CCDC88C: variants seen among roughly 807,000 people sequenced by gnomAD.
CCDC88C encodes the protein protein Daple.
In CCDC88C, 131 loss-of-function variants were observed where a neutral mutation model predicts 198.8. The observed-to-expected ratio is 0.66, with a 90% confidence interval of 0.57 to 0.76. The LOEUF (loss-of-function observed/expected upper bound fraction) is 0.76. Ranked by LOEUF, CCDC88C falls within the 30% of genes least tolerant of loss-of-function variation. CCDC88C has a pLI of 0.00. For synonymous variants in CCDC88C, 1,166 were observed against 1,114.7 expected, an observed-to-expected ratio of 1.05 and a Z score of -0.92; for missense variants, 2,553 against 2,631.6, an observed-to-expected ratio of 0.97 and a Z score of 0.65.
intron 10 of CCDC88C, among the ~76,000 whole-genome samples, chr14:91,334,036 G>A (rs1330725628): frequency 6.6e-6 from 1 of 152,142 alleles, no homozygotes; most frequent in Non-Finnish European, 1.5e-5. Flanking sequence ...AAAATTTCCT[G>A]AAAGGTCGAA....
At position 91,333,070 on chromosome 14, in the gene CCDC88C, A is replaced by G. The variant is rs150709773; in HGVS notation, c.1050+4935T>C. Among the ~76,000 whole-genome samples the G allele has an allele frequency of 5.9e-5, 9 of 152,364 alleles. No homozygotes were observed. The East Asian group carries it at 1.7e-3, about 29-fold the overall frequency. ...ATTCCTCCAGCTTGGGAGGAATCCA[A>G]GAAGTATAAAGAGAGAGACACACGC... On this transcript the variant is annotated intron_variant, in intron 10 of 29. Transcript: ENST00000389857.
intron 13 of CCDC88C, among the ~76,000 whole-genome samples, chr14:91,319,727 A>G (rs576415165): frequency 6.6e-6 from 1 of 152,292 alleles, no homozygotes; most frequent in East Asian, 1.9e-4. Flanking sequence ...CAGCCAGCAT[A>G]AGAAATGTGT....
Position 91,297,314 on chromosome 14 carries a change from G to A in CCDC88C, c.3957C>T (p.Asn1319=), listed in dbSNP as rs1295017637. The stretch of plus-strand genomic sequence containing the variant: ...CTGGCGCTGGCCTCACCTCACAGTG[G>A]TTGTCCAGCTTGGTCAGCGAGATGT... The part of the protein sequence containing the change: ...TMDISLTKLD[N]HCELLSRLKG... Residue 1319 remains asparagine (N), a synonymous_variant, in exon 22 of 30, where the codon AAC becomes AAT. Transcript: ENST00000389857. The A allele has an allele frequency of 1.2e-6, 2 of 1,613,068 alleles. No homozygotes were observed. Among genetic ancestry groups the A allele is most frequent in the Non-Finnish European group, 1.7e-6 (2 of 1,179,584 alleles).
intron 10 of CCDC88C, among the ~76,000 whole-genome samples, chr14:91,329,197 C>T (rs774229077): frequency 6.6e-5 from 10 of 152,250 alleles, no homozygotes; most frequent in Non-Finnish European, 1.5e-4. Context: ...CTTTGAGAAG[C>T]ATGGGGGACT....
At chr14:91,302,876 CCTT>C (rs898121995) in intron 20 of CCDC88C, among the ~76,000 whole-genome samples, 3 of 152,128 alleles carry the variant, frequency 2.0e-5, no homozygotes, top group Non-Finnish European at 4.4e-5. Flanking sequence ...AGAATTCCCT[CCTT>C]ATTTCTGTTT....
intron 3 of CCDC88C, among the ~76,000 whole-genome samples, chr14:91,365,451 G>C (rs900193603): frequency 1.4e-4 from 21 of 152,170 alleles, no homozygotes; most frequent in African/African-American, 4.8e-4. Context: ...TTTCTGTTTT[G>C]TCCAGTTGAG....
At chr14:91,354,061 G>A (rs1460044322) in intron 4 of CCDC88C, among the ~76,000 whole-genome samples, 1 of 152,198 alleles carries the variant, frequency 6.6e-6, no homozygotes, top group Non-Finnish European at 1.5e-5. Flanking sequence ...CATGCTGTGT[G>A]CCTCTGAATG....
chr14:91,345,184 A>G (rs1412565870), intron 4 of CCDC88C, among the ~76,000 whole-genome samples: 3 of 67,574 alleles, frequency 4.4e-5, no homozygotes, highest in Non-Finnish European at 9.2e-5. Flanking sequence ...ATATATATAT[A>G]TATATATTTT....
At chr14:91,401,374 G>A (rs995875134) in intron 3 of CCDC88C, among the ~76,000 whole-genome samples, 8 of 135,714 alleles carry the variant, frequency 5.9e-5, no homozygotes, top group African/African-American at 1.6e-4. Context: ...TTACTCTGTC[G>A]CGCAGGCTGG....
chr14:91,299,952 G>A lies in CCDC88C; in HGVS notation c.3754C>T (p.Gln1252Ter), dbSNP rs764782020. ...CTGTCCAGCTCGCCCCGCAGCCTCT[G>A]GTTCTCGCCCATGGCGAGGGCGTTT... is the stretch of plus-strand genomic sequence containing the variant. ...RTNALAMGEN[Q>*]RLRGELDRVN... The change falls in exon 21 of 30, where the codon CAG becomes TAG. Residue 1252 changes from glutamine (Q) to a stop codon, truncating the protein, a stop_gained. Transcript: ENST00000389857. LOFTEE classifies it high-confidence loss of function. 6.3e-7 allele frequency: 1 copy of A among 1,591,550 alleles called. No individual in the cohort carries two copies.
In CCDC88C at chr14:91,388,925, G is replaced by A. The variant is rs148912862; in HGVS notation, c.270+19734C>T. ...CTGAAGCACCTGAATGTGCTGAGGT[G>A]GCAGGATGGTGCGTGAGTCTCTGTC... On this transcript the variant is annotated intron_variant, in intron 3 of 29. Transcript: ENST00000389857. Among the ~76,000 whole-genome samples the A allele has an allele frequency of 3.2e-3, 495 of 152,312 alleles. 2 individuals carry two copies. Among genetic ancestry groups the A allele is most frequent in the African/African-American group, 0.011 (450 of 41,572 alleles).
rs1402685967 is a variant in CCDC88C at position 91,338,921 on chromosome 14, T to C, written c.810-351A>G. 4.2e-6 allele frequency: 2 copies of C among 471,158 alleles called. No homozygotes were observed. Among genetic ancestry groups the C allele is most frequent in the Non-Finnish European group, 7.8e-6 (2 of 255,738 alleles). 29.2% of individuals were successfully genotyped at this position (471,158 alleles called of 1,614,324 possible). A position where few individuals can be genotyped will look rare whatever the true frequency, so the allele number is the denominator to read the frequency against. On this transcript the variant is annotated intron_variant, in intron 8 of 29. Coordinates refer to ENST00000389857, the MANE Select transcript of CCDC88C (RefSeq NM_001080414.4). This position sits in a 1 kb window ranked among gnomAD's most constrained non-coding sequence, Gnocchi z 4.8. Reference sequence around the variant, plus strand: ...AACCTGGGAGAACAGGCTCACCAGATTGGAGGGAAGGAGGGGCACCTCATC... The same window carrying C: ...AACCTGGGAGAACAGGCTCACCAGACTGGAGGGAAGGAGGGGCACCTCATC...
At chr14:91,401,249 A>G (rs1299921338) in intron 3 of CCDC88C, among the ~76,000 whole-genome samples, 1 of 145,580 alleles carries the variant, frequency 6.9e-6, no homozygotes, top group African/African-American at 2.5e-5. Context: ...TATATTATAT[A>G]TTATATAATA....
intron 10 of CCDC88C, among the ~76,000 whole-genome samples, chr14:91,327,656 G>T (rs529921223): frequency 2.6e-5 from 4 of 152,242 alleles, no homozygotes; most frequent in Admixed American, 6.5e-5. Flanking sequence ...AGGGGCTTGT[G>T]TGGGTGAGAG....
At chr14:91,375,393 C>A (rs1220658471) in intron 3 of CCDC88C, among the ~76,000 whole-genome samples, 1 of 152,136 alleles carries the variant, frequency 6.6e-6, no homozygotes, top group African/African-American at 2.4e-5. Flanking sequence ...GAGGCTCCGA[C>A]CTGAGGACTC....
chr14:91,322,185 C>G (rs1892382576), intron 12 of CCDC88C, among the ~76,000 whole-genome samples: 1 of 152,206 alleles, frequency 6.6e-6, no homozygotes. Context: ...GTTGCTAATA[C>G]AGCGATTCCT....
chr14:91,331,819 T>G (rs963799554), intron 10 of CCDC88C, among the ~76,000 whole-genome samples: 20 of 152,172 alleles, frequency 1.3e-4, no homozygotes, highest in Non-Finnish European at 4.4e-5. Context: ...CTTTGACAGA[T>G]GGGGACAAGA....
intron 3 of CCDC88C, among the ~76,000 whole-genome samples, chr14:91,368,383 G>T (rs1894635623): frequency 6.6e-6 from 1 of 152,242 alleles, no homozygotes; most frequent in African/African-American, 2.4e-5. Context: ...TAGAACTTGT[G>T]TAAGTAGAAG....
At chr14:91,367,548 C>T (rs903718927) in intron 3 of CCDC88C, among the ~76,000 whole-genome samples, 1 of 152,154 alleles carries the variant, frequency 6.6e-6, no homozygotes, top group Admixed American at 6.5e-5. Context: ...TCAGAAGACA[C>T]GTACTGTGTA....
Sources: gnomAD v4.1 joint callset for allele counts (sites outside exome capture counted in the v4.1 genomes callset) on GRCh38, gnomAD v4.1.1 for gene constraint, Gnocchi (gnomAD v3.1) non-coding constraint, MANE v1.5 for transcripts, NCBI Gene and HGNC (gene_info 2026-07-23, HGNC 2026-07-21) for gene names.